The following C1orf167 variants were observed in gnomAD, a reference collection of about 807,000 sequenced individuals.
The protein encoded by C1orf167 is uncharacterized protein C1orf167.
Under a neutral mutation model 176.5 loss-of-function variants are expected in C1orf167, and 153 were observed. The ratio of observed to expected loss-of-function variants is 0.87; its 90% CI spans 0.76 to 0.99. The LOEUF (loss-of-function observed/expected upper bound fraction) is 0.99, where lower values mean the gene tolerates loss of function less well. Among genes scored for constraint, C1orf167 ranks in the 50% least tolerant of loss-of-function variants. The pLI is 0.00. For synonymous variants in C1orf167, 594 were observed against 752.7 expected (o/e 0.79, Z 3.45); for missense variants, 1,490 against 1,817.7 (o/e 0.82, Z 3.28).
At chr1:11,764,149 G>C (rs1406895194) in intron 1 of C1orf167, among the ~76,000 whole-genome samples, 182 bp from the exon 2 acceptor site, 1 of 152,286 alleles carries the variant, frequency 6.6e-6, no homozygotes, top group East Asian at 1.9e-4. Context: ...ACTTAATATG[G>C]AAAGGGGGGT....
At position 11,788,707 on chromosome 1, in the gene C1orf167, G is replaced by A. The variant is rs759766598; in HGVS notation, c.4134G>A (p.Ala1378=). ...GLADVVAADP[A]TASGSAVTAA... is the part of the protein sequence containing the mutation. ...CAGACGTGGTGGCAGCGGATCCTGC[G>A]ACTGCGAGTGGCTCAGCAGTTACAG... Residue 1378 remains alanine (A), a synonymous_variant, in exon 20 of 21, where the codon GCG becomes GCA. Transcript: ENST00000688073. 2.1e-5 allele frequency: 28 copies of A among 1,304,138 alleles called. 1 individual carries two copies. The highest frequency in any genetic ancestry group is 4.2e-4 in the Middle Eastern group (2 of 4,720). The allele number at this position is 1,304,138 out of a possible 1,614,324, so 80.8% of individuals were successfully genotyped here.
At chr1:11,771,045 G>GTA (rs1557726743) in intron 6 of C1orf167, among the ~76,000 whole-genome samples, 64 of 68,606 alleles carry the variant, frequency 9.3e-4, no homozygotes, top group Middle Eastern at 7.9e-3. Context: ...GTGTGTGTGT[G>GTA]TGTGTATATA....
At chr1:11,787,183 C>G (rs1643896195) in intron 16 of C1orf167, 1 of 215,174 alleles carries the variant, frequency 4.6e-6, no homozygotes, top group African/African-American at 2.3e-5. Flanking sequence ...GAAATAGCCC[C>G]CTCCCAGGGC....
In C1orf167 at chr1:11,766,656, T is replaced by C; in HGVS notation, c.870T>C (p.Ala290=). Residue 290 remains alanine, a synonymous_variant, in exon 3 of 21, where the codon GCT becomes GCC. Transcript: ENST00000688073. This position sits in a 1 kb window ranked among gnomAD's most constrained non-coding sequence, Gnocchi z 4.5. The part of the protein sequence containing the change: ...AHPQPSQPVL[A]SSDGRRRRLR... Reference sequence around the variant, plus strand: ...CCCAGCCCAGCCAGCCTGTCCTTGCTTCCTCGGATGGGAGGAGGAGACGCC... The same window carrying C: ...CCCAGCCCAGCCAGCCTGTCCTTGCCTCCTCGGATGGGAGGAGGAGACGCC... The C allele has an allele frequency of 2.3e-6, 3 of 1,289,618 alleles. No homozygotes were observed. The South Asian group carries it at 3.7e-5, about 16-fold the overall frequency. The allele number at this position is 1,289,618 out of a possible 1,614,324, so 79.9% of individuals were successfully genotyped here. A position where few individuals can be genotyped will look rare whatever the true frequency, so the allele number is the denominator to read the frequency against.
chr1:11,768,244 C>A lies in C1orf167; in HGVS notation c.1511C>A (p.Thr504Lys). Residue 504 changes from threonine (T) to lysine (K), a missense_variant, in exon 5 of 21, where the codon ACA becomes AAA. Coordinates refer to ENST00000688073, the MANE Select transcript of C1orf167 (RefSeq NM_001010881.2). This position sits in a 1 kb window ranked among gnomAD's most constrained non-coding sequence, Gnocchi z 4.5. ...CTGGAGGCAGCATGGGGGCAGTACA[C>A]AAAGGTTCTGCTGGTCCGGAGCTTC... ...AQLEAAWGQY[T>K]KVLLVRSFRE... is the part of the protein sequence containing the mutation. The A allele has an allele frequency of 7.8e-7, 1 of 1,289,914 alleles. No homozygotes were observed. 79.9% of individuals were successfully genotyped at this position (1,289,914 alleles called of 1,614,324 possible). A position where few individuals can be genotyped will look rare whatever the true frequency, so the allele number is the denominator to read the frequency against.
At chr1:11,774,339 G>A (rs1643213826) in intron 8 of C1orf167, among the ~76,000 whole-genome samples, 1 of 152,162 alleles carries the variant, frequency 6.6e-6, no homozygotes, top group Non-Finnish European at 1.5e-5. Flanking sequence ...GAGCCACCAC[G>A]CCCGGCCTGT....
chr1:11,768,917 C>A lies in C1orf167; in HGVS notation c.1543-56C>A, dbSNP rs1010114328. The A allele has an allele frequency of 2.2e-5, 22 of 984,126 alleles. No homozygotes were observed. Among genetic ancestry groups the A allele is most frequent in the South Asian group, 9.4e-5 (2 of 21,264 alleles). The allele number at this position is 984,126 out of a possible 1,614,324, so 61.0% of individuals were successfully genotyped here. ...CCTGTCCCCGCCCCTGCCTGGTGTTCCCTTGGGAGGCAGATTCAAGGCCAA... is the reference window on the plus strand; with the variant it reads ...CCTGTCCCCGCCCCTGCCTGGTGTTACCTTGGGAGGCAGATTCAAGGCCAA... On this transcript the variant is annotated intron_variant, in intron 5 of 20. Transcript: ENST00000688073. The surrounding 1 kb of genome is among the most constrained non-coding windows in gnomAD (Gnocchi z 4.5).
At position 11,766,832 on chromosome 1, in the gene C1orf167, A is replaced by G. The variant is rs1642821513; in HGVS notation, c.1046A>G (p.His349Arg). Residue 349 changes from histidine (H) to arginine (R), a missense_variant, in exon 3 of 21, where the codon CAC (histidine) becomes CGC (arginine). Coordinates refer to ENST00000688073, the MANE Select transcript of C1orf167 (RefSeq NM_001010881.2). This position sits in a 1 kb window ranked among gnomAD's most constrained non-coding sequence, Gnocchi z 4.5. ...LNPEQGLPPA[H>R]PLGSGDSCSP... The stretch of plus-strand genomic sequence containing the variant: ...CCTGAGCAGGGGCTCCCTCCTGCCC[A>G]CCCCCTAGGGTCAGGGGACAGCTGC... The G allele has an allele frequency of 1.6e-6, 2 of 1,288,144 alleles. No homozygotes were observed. Among genetic ancestry groups the G allele is most frequent in the Non-Finnish European group, 2.0e-6 (2 of 987,956 alleles). The allele number at this position is 1,288,144 out of a possible 1,614,324, so 79.8% of individuals were successfully genotyped here.
In C1orf167 at chr1:11,764,320, T is replaced by C. The variant is rs1298413623; in HGVS notation, c.-70-11T>C. 3 of 1,136,570 alleles carry C rather than the reference T, an allele frequency of 2.6e-6. No homozygotes were observed. The highest frequency in any genetic ancestry group is 2.3e-5 in the Admixed American group (1 of 43,278). The allele number at this position is 1,136,570 out of a possible 1,614,324, so 70.4% of individuals were successfully genotyped here. A position where few individuals can be genotyped will look rare whatever the true frequency, so the allele number is the denominator to read the frequency against. ...GAATGAGAGCCAGGGCAACCTGTCC[T>C]CTCCCCGCAGGGCCCATCTGATTAA... On this transcript the variant is annotated splice_polypyrimidine_tract_variant and intron_variant, in intron 1 of 20. Transcript: ENST00000688073.
chr1:11,788,892 A>G, intron 20 of C1orf167, 146 bp downstream of exon 20: 2 of 548,144 alleles, frequency 3.6e-6, no homozygotes, highest in Non-Finnish European at 5.9e-6. Flanking sequence ...GGTCAGTTCC[A>G]TTACAGAACA....
At chr1:11,779,260 T>C in intron 12 of C1orf167, 180 bp downstream of exon 12, 1 of 414,588 alleles carries the variant, frequency 2.4e-6, no homozygotes, top group Non-Finnish European at 3.8e-6. Flanking sequence ...GGTGAGGCAC[T>C]CTACAGAGTC....
intron 19 of C1orf167, 51 bp downstream of exon 19, chr1:11,788,429 A>G (rs1252705456): frequency 8.0e-7 from 1 of 1,255,902 alleles, no homozygotes; most frequent in African/African-American, 1.5e-5. Context: ...TTCACCTCAT[A>G]CTTAACCCAA....
At position 11,787,925 on chromosome 1, in the gene C1orf167, T is replaced by C. The variant is rs779065486; in HGVS notation, c.3726T>C (p.Pro1242=). The change falls in exon 18 of 21, where the codon CCT becomes CCC. Residue 1242 remains proline, a synonymous_variant. Coordinates refer to ENST00000688073, the MANE Select transcript of C1orf167 (RefSeq NM_001010881.2). ...CPAFQLWPQW[P]GQSSWVPGLP... is the part of the protein sequence containing the mutation. ...CCTTCCAGCTCTGGCCACAGTGGCC[T>C]GGACAGAGTAGCTGGGTCCCAGGCC... 1.2e-5 allele frequency: 15 copies of C among 1,301,728 alleles called. No individual in the cohort carries two copies. Among genetic ancestry groups the C allele is most frequent in the Non-Finnish European group, 1.4e-5 (14 of 987,550 alleles). 80.6% of individuals were successfully genotyped at this position (1,301,728 alleles called of 1,614,324 possible).
At chr1:11,762,838 C>T (rs1642577087) in intron 1 of C1orf167, among the ~76,000 whole-genome samples, 1 of 152,222 alleles carries the variant, frequency 6.6e-6, no homozygotes, top group South Asian at 2.1e-4. Context: ...ACCAGCCTGC[C>T]CTCGTGTGGC....
In C1orf167 at chr1:11,772,409, C is replaced by G. The variant is rs1299248499; in HGVS notation, c.1988+150C>G. On this transcript the variant is annotated intron_variant, in intron 8 of 20. Coordinates refer to ENST00000688073, the MANE Select transcript of C1orf167 (RefSeq NM_001010881.2). ...CCTCTCGAGTAGCTGGGACCATAAG[C>G]ATGTGCCACCACGCACAGCTAATTT... The G allele has an allele frequency of 4.8e-6, 3 of 622,786 alleles. No individual in the cohort carries two copies. The African/African-American group carries it at 6.0e-5, about 12-fold the overall frequency. The allele number at this position is 622,786 out of a possible 1,614,324, so 38.6% of individuals were successfully genotyped here.
chr1:11,775,369 A>G (rs980242663), intron 8 of C1orf167, 66 bp from the exon 9 acceptor site: 9 of 1,181,842 alleles, frequency 7.6e-6, no homozygotes, highest in African/African-American at 1.6e-5. Flanking sequence ...TGGCAATGGC[A>G]GGCAGCTGGA....
rs1409024153 is a variant in C1orf167 at position 11,775,599 on chromosome 1, G to A, written c.2153G>A (p.Arg718Gln). The A allele has an allele frequency of 4.6e-6, 6 of 1,302,560 alleles. No homozygotes were observed. In the Admixed American group the frequency reaches 9.3e-5, roughly 20 times the overall value. 80.7% of individuals were successfully genotyped at this position (1,302,560 alleles called of 1,614,324 possible). ...GAKVTQLSLCRQKAGREAVYT... is the reference protein window; with the variant it reads ...GAKVTQLSLCQQKAGREAVYT... Reference sequence around the variant, plus strand: ...AAGGTGACCCAGCTGTCCCTCTGCCGGCAGAAAGCAGGTGAGCTAGTGTTG... The same window carrying A: ...AAGGTGACCCAGCTGTCCCTCTGCCAGCAGAAAGCAGGTGAGCTAGTGTTG... Residue 718 changes from arginine to glutamine, a missense_variant, in exon 9 of 21, where the codon CGG becomes CAG. Coordinates refer to ENST00000688073, the MANE Select transcript of C1orf167 (RefSeq NM_001010881.2).
chr1:11,766,668 G>A lies in C1orf167; in HGVS notation c.882G>A (p.Gly294=), dbSNP rs1642812919. The A allele has an allele frequency of 2.3e-6, 3 of 1,289,724 alleles. No homozygotes were observed. Among genetic ancestry groups the A allele is most frequent in the Non-Finnish European group, 3.0e-6 (3 of 988,862 alleles). The allele number at this position is 1,289,724 out of a possible 1,614,324, so 79.9% of individuals were successfully genotyped here. Residue 294 remains glycine, a synonymous_variant, in exon 3 of 21, where the codon GGG becomes GGA. Coordinates refer to ENST00000688073, the MANE Select transcript of C1orf167 (RefSeq NM_001010881.2). The surrounding 1 kb of genome is among the most constrained non-coding windows in gnomAD (Gnocchi z 4.5). The part of the protein sequence containing the change: ...PSQPVLASSD[G]RRRRLRGHRE... Reference sequence around the variant, plus strand: ...AGCCTGTCCTTGCTTCCTCGGATGGGAGGAGGAGACGCCTTCGAGGCCACA... The same window carrying A: ...AGCCTGTCCTTGCTTCCTCGGATGGAAGGAGGAGACGCCTTCGAGGCCACA...
intron 6 of C1orf167, among the ~76,000 whole-genome samples, chr1:11,769,486 T>C (rs180987819): frequency 2.6e-5 from 4 of 152,040 alleles, no homozygotes; most frequent in African/African-American, 7.2e-5. Flanking sequence ...GAGGATCACT[T>C]GAGGCCAGGA....
Sources: allele counts gnomAD v4.1 joint callset (sites outside exome capture counted in the v4.1 genomes callset), GRCh38; gene constraint gnomAD v4.1.1; non-coding constraint Gnocchi (gnomAD v3.1); transcripts MANE v1.5; gene names NCBI Gene and HGNC (gene_info 2026-07-23, HGNC 2026-07-21).